The following GAD2 variants were observed in gnomAD, a reference collection of about 807,000 sequenced individuals.
The protein encoded by GAD2 is glutamate decarboxylase 2.
In GAD2, 22 loss-of-function variants were observed where a neutral mutation model predicts 80.1. The ratio of observed to expected loss-of-function variants is 0.27; its 90% CI spans 0.20 to 0.39. GAD2 has a LOEUF of 0.39. Among genes scored for constraint, GAD2 ranks in the 10% least tolerant of loss-of-function variants. The pLI is 1.00. For synonymous variants in GAD2, 274 were observed against 256.9 expected (o/e 1.07, Z -0.64); for missense variants, 624 against 738.4 (o/e 0.85, Z 1.80).
At chr10:26,295,897 C>T (rs1834268738) in intron 15 of GAD2, among the ~76,000 whole-genome samples, 1 of 152,174 alleles carries the variant, frequency 6.6e-6, no homozygotes, top group Non-Finnish European at 1.5e-5. Flanking sequence ...TTACTCTGTA[C>T]CATCTTGCCT....
At chr10:26,297,000 C>T (rs945540292) in intron 15 of GAD2, among the ~76,000 whole-genome samples, 3 of 152,026 alleles carry the variant, frequency 2.0e-5, no homozygotes, top group Non-Finnish European at 2.9e-5. Context: ...CTGCAACCTC[C>T]ACCTCTCAGG....
intron 15 of GAD2, among the ~76,000 whole-genome samples, chr10:26,293,408 C>T (rs1210436873): frequency 6.6e-6 from 1 of 152,034 alleles, no homozygotes; most frequent in East Asian, 1.9e-4. Flanking sequence ...GAACTCCTGA[C>T]CTCAGGTGAT....
rs751716477 is a variant in GAD2 at position 26,222,344 on chromosome 10, C to T, written c.521-1543C>T. ...TTAAATACTGTCTAATCATAGACACCACATTCATCCAGAAAATGAATATGA... is the reference window on the plus strand; with the variant it reads ...TTAAATACTGTCTAATCATAGACACTACATTCATCCAGAAAATGAATATGA... On this transcript the variant is annotated intron_variant, in intron 4 of 15. Coordinates refer to ENST00000376261, the MANE Select transcript of GAD2 (RefSeq NM_001134366.2). Among the ~76,000 whole-genome samples, 109 of 152,048 alleles carry T rather than the reference C, an allele frequency of 7.2e-4. 2 individuals carry two copies. In the Middle Eastern group the frequency reaches 0.01, roughly 14 times the overall value.
intron 12 of GAD2, among the ~76,000 whole-genome samples, chr10:26,284,714 G>A (rs1373113960): frequency 2.0e-5 from 3 of 151,888 alleles, no homozygotes; most frequent in Non-Finnish European, 2.9e-5. Context: ...TGGAACTACA[G>A]GCACCCACCA....
In GAD2 at chr10:26,217,524, T is replaced by G; in HGVS notation, c.77-86T>G. Reference sequence around the variant, plus strand: ...GGCCCCTCCTAGGACCCCGGACTGATTGATTTTCACATAGAACGAAATTTC... The same window carrying G: ...GGCCCCTCCTAGGACCCCGGACTGAGTGATTTTCACATAGAACGAAATTTC... On this transcript the variant is annotated intron_variant, in intron 1 of 15. Transcript: ENST00000376261. This position sits in a 1 kb window ranked among gnomAD's most constrained non-coding sequence, Gnocchi z 4.9. 2 of 1,416,570 alleles carry G rather than the reference T, an allele frequency of 1.4e-6. No homozygotes were observed. Among genetic ancestry groups the G allele is most frequent in the Non-Finnish European group, 2.0e-6 (2 of 1,023,186 alleles). 87.8% of individuals were successfully genotyped at this position (1,416,570 alleles called of 1,614,324 possible).
chr10:26,268,235 G>A (rs535369051), intron 8 of GAD2, among the ~76,000 whole-genome samples: 7 of 152,262 alleles, frequency 4.6e-5, no homozygotes, highest in East Asian at 1.9e-4. Flanking sequence ...TTGGGAGGCC[G>A]AGGCAGGCAG....
At position 26,264,682 on chromosome 10, in the gene GAD2, A is replaced by G. The variant is rs1326465636; in HGVS notation, c.921-4437A>G. On this transcript the variant is annotated intron_variant, in intron 8 of 15. Coordinates refer to ENST00000376261, the MANE Select transcript of GAD2 (RefSeq NM_001134366.2). The stretch of plus-strand genomic sequence containing the variant: ...GTTTCCTAATCTGCACTGTAAGTGC[A>G]AAATAACTCTCTTGTAGGGTCGGGA... Among the ~76,000 whole-genome samples, 5 of 152,202 alleles carry G rather than the reference A, an allele frequency of 3.3e-5. No individual in the cohort carries two copies. In the South Asian group the frequency reaches 8.3e-4, roughly 25 times the overall value.
chr10:26,243,721 C>T (rs10466097), intron 7 of GAD2, among the ~76,000 whole-genome samples: 3,359 of 152,310 alleles, frequency 0.022, 137 homozygotes, highest in African/African-American at 0.076. Flanking sequence ...AAGCCTGACT[C>T]AGGCTTGGCA....
rs12258225 is a variant in GAD2 at position 26,255,766 on chromosome 10, C to T, written c.920+9766C>T. Among the ~76,000 whole-genome samples, 1,097 of 152,244 alleles carry T rather than the reference C, an allele frequency of 7.2e-3. 17 individuals carry two copies. Among genetic ancestry groups the T allele is most frequent in the African/African-American group, 0.025 (1,035 of 41,546 alleles). On this transcript the variant is annotated intron_variant, in intron 8 of 15. Transcript: ENST00000376261. Reference sequence around the variant, plus strand: ...AATTTTCGTTATTGAGTTTCCTAGTCTTTTGACTAAAATTGTGTAGGATCT... The same window carrying T: ...AATTTTCGTTATTGAGTTTCCTAGTTTTTTGACTAAAATTGTGTAGGATCT...
chr10:26,217,428 C>A lies in GAD2; in HGVS notation c.77-182C>A, dbSNP rs1844388806. On this transcript the variant is annotated intron_variant, in intron 1 of 15. Coordinates refer to ENST00000376261, the MANE Select transcript of GAD2 (RefSeq NM_001134366.2). This position sits in a 1 kb window ranked among gnomAD's most constrained non-coding sequence, Gnocchi z 4.9. ...TAAAGGAAATGAGGGCTGGCCCGGGCCGCCAGCCTCCCGCTTGCCTTCTGC... is the reference window on the plus strand; with the variant it reads ...TAAAGGAAATGAGGGCTGGCCCGGGACGCCAGCCTCCCGCTTGCCTTCTGC... Among the ~76,000 whole-genome samples, 1 of 152,140 alleles carries A rather than the reference C, an allele frequency of 6.6e-6. No homozygotes were observed. The highest frequency in any genetic ancestry group is 1.5e-5 in the Non-Finnish European group (1 of 68,006).
chr10:26,219,431 C>G (rs1229850146), intron 4 of GAD2, 155 bp downstream of exon 4: 1 of 568,746 alleles, frequency 1.8e-6, no homozygotes, highest in East Asian at 3.0e-5. Context: ...TAGAATGATT[C>G]TAATCCAAAG....
chr10:26,235,850 T>G (rs1348910569), intron 7 of GAD2, among the ~76,000 whole-genome samples: 1 of 152,184 alleles, frequency 6.6e-6, no homozygotes, highest in Non-Finnish European at 1.5e-5. Flanking sequence ...AATTCCAAAT[T>G]CCTCTTATTT....
At chr10:26,230,492 A>G (rs142729137) in intron 7 of GAD2, among the ~76,000 whole-genome samples, 5 of 152,290 alleles carry the variant, frequency 3.3e-5, no homozygotes, top group African/African-American at 9.6e-5. Context: ...GCAGTGGTGC[A>G]ATCACAGCTC....
intron 8 of GAD2, among the ~76,000 whole-genome samples, chr10:26,247,400 C>T (rs781277661): frequency 3.3e-5 from 5 of 152,050 alleles, no homozygotes; most frequent in East Asian, 1.9e-4. Context: ...ATGCCTTAAC[C>T]GTCTGGGAAT....
chr10:26,268,443 G>T (rs1197095254), intron 8 of GAD2, among the ~76,000 whole-genome samples: 11 of 150,232 alleles, frequency 7.3e-5, no homozygotes, highest in African/African-American at 2.7e-4. Context: ...ACTCCAGCCT[G>T]GGCGACAGAG....
intron 15 of GAD2, among the ~76,000 whole-genome samples, chr10:26,295,516 A>G (rs892567355): frequency 6.6e-6 from 1 of 150,926 alleles, no homozygotes; most frequent in Non-Finnish European, 1.5e-5. Context: ...ATGCACACAC[A>G]CACACACACA....
chr10:26,282,692 C>A (rs149879801), intron 12 of GAD2, among the ~76,000 whole-genome samples: 3 of 152,238 alleles, frequency 2.0e-5, no homozygotes, highest in Non-Finnish European at 4.4e-5. Flanking sequence ...GATCACATTC[C>A]TGATTATTTT....
At chr10:26,226,499 T>C (rs939124420) in intron 6 of GAD2, among the ~76,000 whole-genome samples, 2 of 152,042 alleles carry the variant, frequency 1.3e-5, no homozygotes, top group African/African-American at 4.8e-5. Context: ...GAAAAGGTCA[T>C]TGCAACCTGT....
At chr10:26,245,883 T>C (rs1182193273) in intron 7 of GAD2, 38 bp from the exon 8 acceptor site, 9 of 1,486,624 alleles carry the variant, frequency 6.1e-6, no homozygotes, top group East Asian at 2.3e-5. Flanking sequence ...CTTGTCTGTA[T>C]ATGGAACTAA....
Sources: allele counts gnomAD v4.1 joint callset (sites outside exome capture counted in the v4.1 genomes callset), GRCh38; gene constraint gnomAD v4.1.1; non-coding constraint Gnocchi (gnomAD v3.1); transcripts MANE v1.5; gene names NCBI Gene and HGNC (gene_info 2026-07-23, HGNC 2026-07-21).